Variants in SLC10A1 observed in about 807,000 individuals in gnomAD.
The protein encoded by SLC10A1 is hepatic sodium/bile acid cotransporter.
A neutral mutation model predicts 20.5 loss-of-function variants in SLC10A1; 36 were observed. The observed-to-expected ratio is 1.75, with a 90% CI of 1.34 to 2.32. The LOEUF (loss-of-function observed/expected upper bound fraction) is 2.32. Among genes scored for constraint, SLC10A1 ranks in the 30% most tolerant of loss-of-function variants. The pLI, the probability that SLC10A1 is intolerant of heterozygous loss-of-function variation, is 0.00. For synonymous variants in SLC10A1, 188 were observed against 163.6 expected (o/e 1.15, Z -1.14); for missense variants, 545 against 439.1 (o/e 1.24, Z -2.16).
rs760308738 is a variant in SLC10A1, at chr14:69,797,124, T to C, written c.32A>G (p.Asn11Ser). Residue 11 changes from asparagine to serine, a missense_variant, in exon 1 of 5, where the codon AAC (asparagine) becomes AGC (serine). Physicochemically the swap from Asn to Ser is conservative, Grantham distance 46. Transcript: ENST00000216540. Reference sequence around the variant, plus strand: ...GCCAAAGTTGGGTGGCAGGGTGAAGTTGAATGGGGCAGACGCGTTGTGGGC... The same window carrying C: ...GCCAAAGTTGGGTGGCAGGGTGAAGCTGAATGGGGCAGACGCGTTGTGGGC... MEAHNASAPFNFTLPPNFGKR... is the reference protein window; with the variant it reads MEAHNASAPFSFTLPPNFGKR... 1 of 1,613,718 alleles carries C rather than the reference T, an allele frequency of 6.2e-7. No homozygotes were observed. Among genetic ancestry groups the C allele is most frequent in the Non-Finnish European group, 8.5e-7 (1 of 1,179,920 alleles).
At chr14:69,789,299 C>T (rs1347102175) in intron 1 of SLC10A1, among the ~76,000 whole-genome samples, 1 of 152,192 alleles carries the variant, frequency 6.6e-6, no homozygotes, top group Non-Finnish European at 1.5e-5. Flanking sequence ...CAAGTAGAAA[C>T]AACCCATGTG....
At chr14:69,777,504 G>A (rs1883472457) in intron 4 of SLC10A1, among the ~76,000 whole-genome samples, 1 of 151,638 alleles carries the variant, frequency 6.6e-6, no homozygotes, top group Non-Finnish European at 1.5e-5. Flanking sequence ...AAGGATTTGG[G>A]TAGGTACTTA....
intron 1 of SLC10A1, among the ~76,000 whole-genome samples, chr14:69,788,158 G>C (rs1262659643): frequency 2.0e-5 from 3 of 152,092 alleles, no homozygotes; most frequent in Non-Finnish European, 4.4e-5. Flanking sequence ...AATGCCCAAG[G>C]AAGGGACCAG....
intron 1 of SLC10A1, among the ~76,000 whole-genome samples, chr14:69,787,521 T>A (rs1883749627): frequency 6.6e-6 from 1 of 152,236 alleles, no homozygotes. Context: ...CTTTCATTAT[T>A]TCTATAAAGA....
chr14:69,782,808 GA>G (rs35397817), intron 2 of SLC10A1, among the ~76,000 whole-genome samples: 30,980 of 102,506 alleles, frequency 0.3, 3,347 homozygotes, highest in Admixed American at 0.41. Context: ...ACTCCGTCTC[GA>G]AAAAAAAAAA....
intron 1 of SLC10A1, among the ~76,000 whole-genome samples, chr14:69,786,814 A>C (rs912729327): frequency 2.0e-5 from 3 of 152,248 alleles, no homozygotes; most frequent in Non-Finnish European, 1.5e-5. Flanking sequence ...CGGAGACAAT[A>C]ACAATTAGCT....
intron 1 of SLC10A1, 92 bp from the exon 2 acceptor site, chr14:69,786,399 G>T: frequency 2.0e-6 from 2 of 975,908 alleles, no homozygotes; most frequent in Non-Finnish European, 3.2e-6. Flanking sequence ...TGTGCTAAGT[G>T]CTTGACATAT....
In SLC10A1 at chr14:69,779,182, C is replaced by A. The variant is rs140623846; in HGVS notation, c.746G>T (p.Arg249Leu). ...TCTTAAAAAAAAAAAAAATACCTAC[C>A]GTCCATTGAGGCAGAAGAGAGCAGA... Reference protein sequence around the residue: ...VLSALFCLNGRCRRTVSMETG... With the variant: ...VLSALFCLNGLCRRTVSMETG... The change falls in exon 3 of 5, where the codon CGG becomes CTG. Residue 249 changes from arginine to leucine, a missense_variant and splice_region_variant. Transcript: ENST00000216540. 7.6e-6 allele frequency: 12 copies of A among 1,581,556 alleles called. No individual in the cohort carries two copies. Among genetic ancestry groups the A allele is most frequent in the Non-Finnish European group, 9.4e-6 (11 of 1,167,660 alleles).
intron 1 of SLC10A1, among the ~76,000 whole-genome samples, chr14:69,786,651 C>T (rs902744657): frequency 1.3e-5 from 2 of 152,142 alleles, no homozygotes; most frequent in Admixed American, 6.5e-5. Flanking sequence ...TTGAGCACCT[C>T]CCCCATGCCA....
chr14:69,779,151 A>AC, intron 3 of SLC10A1, 31 bp downstream of exon 3: 1 of 1,528,942 alleles, frequency 6.5e-7, no homozygotes, highest in Non-Finnish European at 8.8e-7. Context: ...ACAGAGTGAG[A>AC]CCCTTTCTTA....
intron 1 of SLC10A1, among the ~76,000 whole-genome samples, chr14:69,790,156 C>T (rs1883806634): frequency 6.6e-6 from 1 of 152,062 alleles, no homozygotes; most frequent in Non-Finnish European, 1.5e-5. Context: ...AGCCGAAAAC[C>T]TGATTCAACT....
chr14:69,783,435 A>C (rs1321562142), intron 2 of SLC10A1, among the ~76,000 whole-genome samples: 1 of 152,166 alleles, frequency 6.6e-6, no homozygotes, highest in Non-Finnish European at 1.5e-5. Context: ...GAGGTTAAGG[A>C]AGGCTTCCTG....
At chr14:69,779,085 C>T (rs1056343465) in intron 3 of SLC10A1, 97 bp downstream of exon 3, 5 of 900,252 alleles carry the variant, frequency 5.6e-6, no homozygotes, top group Non-Finnish European at 8.1e-6. Context: ...CAGTTAAACC[C>T]TGGAGGTTGA....
chr14:69,792,853 A>C (rs1390885808), intron 1 of SLC10A1, among the ~76,000 whole-genome samples: 2 of 151,498 alleles, frequency 1.3e-5, no homozygotes, highest in Admixed American at 1.3e-4. Flanking sequence ...AAAAAAAAGC[A>C]AGCTGTTAGG....
chr14:69,785,086 G>A (rs942537780), intron 2 of SLC10A1, among the ~76,000 whole-genome samples: 1 of 152,120 alleles, frequency 6.6e-6, no homozygotes, highest in African/African-American at 2.4e-5. Flanking sequence ...AGATGGTACA[G>A]GAGGTCAGGA....
intron 4 of SLC10A1, among the ~76,000 whole-genome samples, chr14:69,776,936 T>G (rs1883460722): frequency 6.6e-6 from 1 of 152,190 alleles, no homozygotes; most frequent in South Asian, 2.1e-4. Flanking sequence ...CTTGACAGAT[T>G]CCTCCCCCCT....
intron 2 of SLC10A1, 148 bp from the exon 3 acceptor site, chr14:69,779,508 T>C (rs1883538760): frequency 3.5e-6 from 2 of 579,654 alleles, no homozygotes; most frequent in Non-Finnish European, 2.9e-6. Flanking sequence ...TATCTTCTTT[T>C]TGGATTCCTT....
At chr14:69,778,612 T>G in intron 3 of SLC10A1, 83 bp from the exon 4 acceptor site, 1 of 1,211,862 alleles carries the variant, frequency 8.3e-7, no homozygotes. Flanking sequence ...CCAAAGAGTT[T>G]CGCAGCAGAT....
At chr14:69,784,787 G>C (rs1336357015) in intron 2 of SLC10A1, among the ~76,000 whole-genome samples, 1 of 152,096 alleles carries the variant, frequency 6.6e-6, no homozygotes. Context: ...TGAGTACAAG[G>C]GTAGAGAGAA....
Sources: gnomAD v4.1 joint callset for allele counts (sites outside exome capture counted in the v4.1 genomes callset) on GRCh38, gnomAD v4.1.1 for gene constraint, MANE v1.5 for transcripts, NCBI Gene and HGNC (gene_info 2026-07-23, HGNC 2026-07-21) for gene names.